The following TENM3 variants were observed in gnomAD, a reference collection of about 807,000 sequenced individuals.
TENM3 encodes the protein teneurin-3.
In TENM3, 63 loss-of-function variants were observed where a neutral mutation model predicts 255.1. The observed-to-expected ratio is 0.25, with a 90% CI of 0.20 to 0.30. TENM3 has a LOEUF of 0.30. TENM3 is among the 10% of genes least tolerant of loss of function. TENM3 has a pLI of 1.00. For synonymous variants in TENM3, 1,306 were observed against 1,322.3 expected, an observed-to-expected ratio of 0.99 and a Z score of 0.27; for missense variants, 2,929 against 3,461.1, an observed-to-expected ratio of 0.85 and a Z score of 3.86.
chr4:182,443,321 C>T (rs1444155714), intron 3 of TENM3, among the ~76,000 whole-genome samples: 3 of 152,080 alleles, frequency 2.0e-5, no homozygotes, highest in Non-Finnish European at 2.9e-5. Context: ...ATCCAATGTG[C>T]CAGGGATAAG....
At position 182,673,044 on chromosome 4, in the gene TENM3, A is replaced by G. The variant is rs1755353320; in HGVS notation, c.1151A>G (p.Asp384Gly). 2.5e-6 allele frequency: 4 copies of G among 1,604,306 alleles called. No individual in the cohort carries two copies. The highest frequency in any genetic ancestry group is 2.2e-5 in the South Asian group (2 of 89,406). Reference protein sequence around the residue: ...GGFTQENNTIDSGELDIGRRA... With the variant: ...GGFTQENNTIGSGELDIGRRA... ...TTTACGCAAGAAAATAACACCATAG[A>G]TTCCGGAGAACTTGATATTGGCCGA... Residue 384 changes from aspartate (D) to glycine (G), a missense_variant, in exon 7 of 28, where the codon GAT becomes GGT. Transcript: ENST00000511685.
At chr4:182,159,322 G>C (rs1431410058) in intron 1 of TENM3, among the ~76,000 whole-genome samples, 1 of 152,166 alleles carries the variant, frequency 6.6e-6, no homozygotes, top group Non-Finnish European at 1.5e-5. Context: ...AAGTTGCTTT[G>C]GAAACCATGA....
chr4:181,733,896 A>C, the TENM3 span, among the ~76,000 whole-genome samples: 15 of 152,198 alleles, frequency 9.9e-5, no homozygotes, highest in Non-Finnish European at 1.5e-5. Context: ...TTAAACACTA[A>C]TATGCTGTGA....
Position 182,800,321 on chromosome 4 carries a change from C to T in TENM3, c.8070C>T (p.Phe2690=). ...ELADSANNIQ[F]LRQSEIGRR is the part of the protein sequence containing the mutation. ...CCGACAGCGCCAACAACATCCAGTTCCTGCGGCAGAGCGAGATCGGCAGGA... is the reference window on the plus strand; with the variant it reads ...CCGACAGCGCCAACAACATCCAGTTTCTGCGGCAGAGCGAGATCGGCAGGA... The change falls in exon 28 of 28, where the codon TTC becomes TTT. Residue 2690 remains phenylalanine (F), a synonymous_variant. Transcript: ENST00000511685. 18 of 1,592,244 alleles carry T rather than the reference C, an allele frequency of 1.1e-5. No individual in the cohort carries two copies. Among genetic ancestry groups the T allele is most frequent in the East Asian group, 2.2e-5 (1 of 44,546 alleles).
the TENM3 span, among the ~76,000 whole-genome samples, chr4:181,572,101 A>G: frequency 1.3e-5 from 2 of 152,352 alleles, no homozygotes; most frequent in South Asian, 4.1e-4. Flanking sequence ...CTGATAAAAT[A>G]TGAAATTAAA....
chr4:182,431,844 AGGC>A (rs1771672325), intron 3 of TENM3, among the ~76,000 whole-genome samples: 2 of 152,108 alleles, frequency 1.3e-5, no homozygotes, highest in African/African-American at 4.8e-5. Context: ...TGGAAGGCCA[AGGC>A]AGGCAGATCA....
chr4:182,522,421 A>T (rs2151790194), intron 3 of TENM3, among the ~76,000 whole-genome samples: 1 of 152,012 alleles, frequency 6.6e-6, no homozygotes, highest in Non-Finnish European at 1.5e-5. Flanking sequence ...CCCACGTATG[A>T]ATGAGAACAT....
At chr4:181,681,756 TTC>T in the TENM3 span, among the ~76,000 whole-genome samples, 14 of 134,218 alleles carry the variant, frequency 1.0e-4, no homozygotes, top group Middle Eastern at 3.9e-3. Flanking sequence ...CTATTTTTTT[TTC>T]CCCAGTAGGG....
At chr4:182,615,579 G>C (rs767257718) in intron 4 of TENM3, among the ~76,000 whole-genome samples, 16 of 152,078 alleles carry the variant, frequency 1.1e-4, no homozygotes, top group Non-Finnish European at 2.1e-4. Flanking sequence ...ATAGATGCTG[G>C]TATCTCATTT....
intron 24 of TENM3, among the ~76,000 whole-genome samples, chr4:182,780,459 C>G (rs1484586904): frequency 1.9e-5 from 2 of 106,400 alleles, no homozygotes; most frequent in South Asian, 3.8e-4. Flanking sequence ...GTTACTGTAG[C>G]CTTGTAGTAT....
the TENM3 span, among the ~76,000 whole-genome samples, chr4:182,103,568 C>A: frequency 1.3e-5 from 2 of 152,136 alleles, no homozygotes; most frequent in Admixed American, 6.5e-5. Flanking sequence ...TTAGGTAAAG[C>A]CCTACACACA....
chr4:181,770,036 G>A, the TENM3 span, among the ~76,000 whole-genome samples: 41,138 of 151,878 alleles, frequency 0.27, 6,034 homozygotes, highest in East Asian at 0.45. Flanking sequence ...TTGTGGCTGC[G>A]CCCAGTTACA....
the TENM3 span, among the ~76,000 whole-genome samples, chr4:181,548,631 A>C: frequency 7.9e-5 from 12 of 152,324 alleles, no homozygotes; most frequent in East Asian, 1.5e-3. Flanking sequence ...TGCCTCTCCC[A>C]AGCAAAAGAT....
At chr4:182,091,071 A>G in the TENM3 span, among the ~76,000 whole-genome samples, 1 of 152,232 alleles carries the variant, frequency 6.6e-6, no homozygotes, top group East Asian at 1.9e-4. Flanking sequence ...AGACAAGGAT[A>G]TAAAAGCTCC....
chr4:181,744,004 C>T, the TENM3 span, among the ~76,000 whole-genome samples: 1 of 152,056 alleles, frequency 6.6e-6, no homozygotes, highest in African/African-American at 2.4e-5. Context: ...GCCCCAATGT[C>T]TGTTGTTCCC....
At chr4:182,741,050 C>T (rs1467296215) in intron 18 of TENM3, among the ~76,000 whole-genome samples, 2 of 152,070 alleles carry the variant, frequency 1.3e-5, no homozygotes, top group Non-Finnish European at 2.9e-5. Flanking sequence ...GTAGTGGGCA[C>T]CTGTAATCCC....
Position 182,273,871 on chromosome 4 carries a change from G to C in TENM3, c.-76+30395G>C, listed in dbSNP as rs533697765. Among the ~76,000 whole-genome samples, 4 of 152,312 alleles carry C rather than the reference G, an allele frequency of 2.6e-5. No individual in the cohort carries two copies. In the South Asian group the frequency reaches 8.3e-4, roughly 32 times the overall value. On this transcript the variant is annotated intron_variant, in intron 1 of 27. Transcript: ENST00000511685. ...AATATTTTGGTTTAAATTTAATGAA[G>C]GAGCTTTGTATTCTAAAGATTAAAG...
At chr4:181,483,654 A>C in the TENM3 span, among the ~76,000 whole-genome samples, 1,904 of 152,198 alleles carry the variant, frequency 0.013, 51 homozygotes, top group African/African-American at 0.043. Flanking sequence ...TATAATTTTG[A>C]TATTTTATAT....
intron 3 of TENM3, among the ~76,000 whole-genome samples, chr4:182,397,448 G>A (rs1303881033): frequency 1.4e-5 from 2 of 145,426 alleles, no homozygotes; most frequent in Admixed American, 1.5e-4. Context: ...GAGGTAATGG[G>A]AGAGAGCAGA....
Sources: gnomAD v4.1 joint callset for allele counts (sites outside exome capture counted in the v4.1 genomes callset) on GRCh38, gnomAD v4.1.1 for gene constraint, MANE v1.5 for transcripts, NCBI Gene and HGNC (gene_info 2026-07-23, HGNC 2026-07-21) for gene names.